ABL2: variants seen among roughly 807,000 people sequenced by gnomAD.
ABL2 encodes the protein ABL proto-oncogene 2, non-receptor tyrosine kinase, also known as tyrosine-protein kinase ABL2.
Under a neutral mutation model 107.7 loss-of-function variants are expected in ABL2, and 49 were observed. The observed-to-expected ratio is 0.45, with a 90% CI of 0.36 to 0.58. The LOEUF (loss-of-function observed/expected upper bound fraction) is 0.58, where lower values mean the gene tolerates loss of function less well. Ranked by LOEUF, ABL2 falls within the 20% of genes least tolerant of loss-of-function variation. ABL2 has a pLI of 0.00. For missense variants in ABL2, 1,245 were observed against 1,457.0 expected, an observed-to-expected ratio of 0.85 and a Z score of 2.37; for synonymous variants, 549 against 548.6, an observed-to-expected ratio of 1.00 and a Z score of -0.01.
chr1:179,179,890 C>A (rs1431201668), intron 1 of ABL2, among the ~76,000 whole-genome samples: 1 of 150,328 alleles, frequency 6.7e-6, no homozygotes, highest in Non-Finnish European at 1.5e-5. Context: ...GACTTGAGGT[C>A]AGGGGTTCAA....
At chr1:179,138,281 T>C (rs1262613738) in intron 1 of ABL2, among the ~76,000 whole-genome samples, 2 of 152,176 alleles carry the variant, frequency 1.3e-5, no homozygotes, top group African/African-American at 2.4e-5. Context: ...ATTATTATTA[T>C]TGAGACAAGG....
chr1:179,169,303 C>T (rs890259348), intron 1 of ABL2, among the ~76,000 whole-genome samples: 1 of 152,074 alleles, frequency 6.6e-6, no homozygotes, highest in African/African-American at 2.4e-5. Flanking sequence ...AATGCCAGCA[C>T]TTTGGGAGGC....
chr1:179,159,104 C>T (rs1010275492), intron 1 of ABL2, among the ~76,000 whole-genome samples: 2 of 152,212 alleles, frequency 1.3e-5, no homozygotes, highest in Non-Finnish European at 2.9e-5. Flanking sequence ...CTACCACTTA[C>T]TACATCTGTG....
rs1557895974 is a variant in ABL2, at chr1:179,101,992, A to ATT, written c.*5724_*5725dup. The ATT allele has an allele frequency of 1.0e-5, 1 of 100,296 alleles. No individual in the cohort carries two copies. Among genetic ancestry groups the ATT allele is most frequent in the African/African-American group, 4.0e-5 (1 of 24,714 alleles). 6.2% of individuals were successfully genotyped at this position (100,296 alleles called of 1,614,324 possible). ...AAAAAAAAGCAAGCTTTGCATTAGAATTTCTTTTTTTTTTTTTTTTTTTTT... is the reference window on the plus strand; with the variant it reads ...AAAAAAAAGCAAGCTTTGCATTAGAATTTTTCTTTTTTTTTTTTTTTTTTTTT... On this transcript the variant is annotated 3_prime_UTR_variant, in exon 12 of 12. Coordinates refer to ENST00000502732, the MANE Select transcript of ABL2 (RefSeq NM_007314.4).
At chr1:179,192,258 A>C (rs1661069201) in intron 1 of ABL2, among the ~76,000 whole-genome samples, 1 of 152,176 alleles carries the variant, frequency 6.6e-6, no homozygotes, top group Non-Finnish European at 1.5e-5. Context: ...ATCCAAATGC[A>C]CAACTACTCA....
intron 1 of ABL2, among the ~76,000 whole-genome samples, chr1:179,216,068 C>T (rs937423127): frequency 7.9e-5 from 12 of 152,110 alleles, no homozygotes; most frequent in African/African-American, 2.2e-4. Flanking sequence ...AAAGCAAACC[C>T]GAGAATACAA....
chr1:179,100,143 T>C lies in ABL2; in HGVS notation c.*7575A>G, dbSNP rs763249815. On this transcript the variant is annotated 3_prime_UTR_variant, in exon 12 of 12. Coordinates refer to ENST00000502732, the MANE Select transcript of ABL2 (RefSeq NM_007314.4). ...TTCCTTTCTAGTTTCTGAATACTGA[T>C]TGACAATTGGCCTAATCATGGTGAT... The C allele has an allele frequency of 3.0e-5, 7 of 230,888 alleles. No homozygotes were observed. Among genetic ancestry groups the C allele is most frequent in the South Asian group, 1.8e-4 (1 of 5,518 alleles). 14.3% of individuals were successfully genotyped at this position (230,888 alleles called of 1,614,324 possible).
At chr1:179,184,924 T>C (rs1295969194) in intron 1 of ABL2, among the ~76,000 whole-genome samples, 1 of 152,092 alleles carries the variant, frequency 6.6e-6, no homozygotes, top group Non-Finnish European at 1.5e-5. Context: ...TCCCTTCCTG[T>C]CTGAACAAAA....
chr1:179,119,779 CA>C (rs1253711214), intron 6 of ABL2, among the ~76,000 whole-genome samples: 1 of 152,088 alleles, frequency 6.6e-6, no homozygotes, highest in Non-Finnish European at 1.5e-5. Flanking sequence ...GTTTTTGGTT[CA>C]GTACCATTTT....
chr1:179,202,154 T>C (rs887046327), intron 1 of ABL2, among the ~76,000 whole-genome samples: 31 of 152,022 alleles, frequency 2.0e-4, no homozygotes, highest in African/African-American at 7.2e-4. Context: ...TTAACATATA[T>C]ATCATTATTG....
chr1:179,108,911 A>G lies in ABL2; in HGVS notation c.2356T>C (p.Ser786Pro), dbSNP rs573096158. Residue 786 changes from serine to proline, a missense_variant, in exon 12 of 12, where the codon TCC becomes CCC. Transcript: ENST00000502732. ...TGCTCTGGAAGCCCTGAGGACATGG[A>G]AGATGTAGAGTTTGACCTTGGAAAA... ...KPFPRSNSTS[S>P]MSSGLPEQDR... 10 of 1,613,980 alleles carry G rather than the reference A, an allele frequency of 6.2e-6. No individual in the cohort carries two copies. Among genetic ancestry groups the G allele is most frequent in the Non-Finnish European group, 7.6e-6 (9 of 1,180,028 alleles).
rs548777131 is a variant in ABL2 at position 179,100,289 on chromosome 1, C to T, written c.*7429G>A. On this transcript the variant is annotated 3_prime_UTR_variant, in exon 12 of 12. Coordinates refer to ENST00000502732, the MANE Select transcript of ABL2 (RefSeq NM_007314.4). Reference sequence around the variant, plus strand: ...TGGCCCTCATCTACCAGAAGCATCTCTGTCCCCTGGCGTTCTTGCCACTCA... The same window carrying T: ...TGGCCCTCATCTACCAGAAGCATCTTTGTCCCCTGGCGTTCTTGCCACTCA... The T allele has an allele frequency of 2.1e-4, 47 of 229,176 alleles. 1 individual carries two copies. In the South Asian group the frequency reaches 8.4e-3, roughly 41 times the overall value. 14.2% of individuals were successfully genotyped at this position (229,176 alleles called of 1,614,324 possible). A position where few individuals can be genotyped will look rare whatever the true frequency, so the allele number is the denominator to read the frequency against.
intron 1 of ABL2, among the ~76,000 whole-genome samples, chr1:179,218,432 T>G (rs1446097821): frequency 2.6e-5 from 4 of 152,180 alleles, no homozygotes; most frequent in Non-Finnish European, 5.9e-5. Flanking sequence ...AGTCTCGCTC[T>G]GTCACCCAGG....
intron 1 of ABL2, among the ~76,000 whole-genome samples, chr1:179,191,582 A>C (rs906357832): frequency 6.6e-6 from 1 of 151,656 alleles, no homozygotes; most frequent in African/African-American, 2.4e-5. Context: ...CACCATACCC[A>C]GCTAATTTTT....
intron 1 of ABL2, among the ~76,000 whole-genome samples, chr1:179,211,783 T>A (rs1168685232): frequency 1.6e-5 from 2 of 127,704 alleles, no homozygotes; most frequent in African/African-American, 2.9e-5. Context: ...AGAGCAAGAA[T>A]CCTTCTCGAA....
At position 179,118,978 on chromosome 1, in the gene ABL2, T is replaced by C. The variant is rs1416599147; in HGVS notation, c.1046-214A>G. On this transcript the variant is annotated intron_variant, in intron 6 of 11. Coordinates refer to ENST00000502732, the MANE Select transcript of ABL2 (RefSeq NM_007314.4). Reference sequence around the variant, plus strand: ...CACTGTATTGTTCTCTGGGAATTCATATGCCTCTGAGTATTTGTCTATTTG... The same window carrying C: ...CACTGTATTGTTCTCTGGGAATTCACATGCCTCTGAGTATTTGTCTATTTG... 2.0e-5 allele frequency among the ~76,000 whole-genome samples: 3 copies of C among 152,332 alleles called. No individual in the cohort carries two copies. In the East Asian group the frequency reaches 5.8e-4, roughly 29 times the overall value.
At position 179,229,335 on chromosome 1, in the gene ABL2, C is replaced by A. The variant is rs1393921307; in HGVS notation, c.63G>T (p.Gly21=). Residue 21 remains glycine, a synonymous_variant, in exon 1 of 12, where the codon GGG becomes GGT. Transcript: ENST00000502732. ...APGLQQPQPR[G]IRGSSAARPS... is the part of the protein sequence containing the mutation. ...GCCTGGCTGCACTGCTGCCCCGGATCCCGCGGGGCTGAGGCTGCTGGAGCC... is the reference window on the plus strand; with the variant it reads ...GCCTGGCTGCACTGCTGCCCCGGATACCGCGGGGCTGAGGCTGCTGGAGCC... 4.4e-6 allele frequency: 7 copies of A among 1,584,946 alleles called. No individual in the cohort carries two copies. Among genetic ancestry groups the A allele is most frequent in the East Asian group, 2.4e-5 (1 of 42,506 alleles).
chr1:179,201,220 T>G (rs1348571352), intron 1 of ABL2, among the ~76,000 whole-genome samples: 1 of 152,226 alleles, frequency 6.6e-6, no homozygotes, highest in Non-Finnish European at 1.5e-5. Context: ...AACTGAGATG[T>G]TCTCTTTGGA....
intron 6 of ABL2, 51 bp from the exon 7 acceptor site, chr1:179,118,815 C>A: frequency 6.4e-7 from 1 of 1,571,128 alleles, no homozygotes; most frequent in Non-Finnish European, 8.7e-7. Context: ...TTCAAACACT[C>A]CAAACCACTT....
Sources: allele counts gnomAD v4.1 joint callset (sites outside exome capture counted in the v4.1 genomes callset), GRCh38; gene constraint gnomAD v4.1.1; transcripts MANE v1.5; gene names NCBI Gene and HGNC (gene_info 2026-07-23, HGNC 2026-07-21).